SLCO2A1: variants seen among roughly 807,000 people sequenced by gnomAD.
SLCO2A1 encodes solute carrier organic anion transporter family member 2A1, also known as matrin F/G 1.
SLCO2A1 carries 60 observed loss-of-function variants against 71.7 expected under a neutral mutation model. That is an observed-to-expected ratio of 0.84 (90% CI 0.68 to 1.04). SLCO2A1 has a LOEUF of 1.04. Among genes scored for constraint, SLCO2A1 ranks in the 50% least tolerant of loss-of-function variants. The pLI is 0.00. For missense variants in SLCO2A1, 745 were observed against 813.4 expected (o/e 0.92, Z 1.02); for synonymous variants, 308 against 326.7 (o/e 0.94, Z 0.62).
chr3:134,019,473 TA>T (rs1452716143), intron 1 of SLCO2A1, among the ~76,000 whole-genome samples: 1 of 152,230 alleles, frequency 6.6e-6, no homozygotes, highest in African/African-American at 2.4e-5. Context: ...CAATTGTTCC[TA>T]AATGTTTGAA....
intron 1 of SLCO2A1, among the ~76,000 whole-genome samples, chr3:133,993,204 G>A (rs1403599339): frequency 4.6e-5 from 7 of 152,248 alleles, no homozygotes; most frequent in Non-Finnish European, 4.4e-5. Flanking sequence ...TTGAGTGAGT[G>A]GAATTCATCC....
chr3:133,962,590 G>T (rs1267569142), intron 3 of SLCO2A1, among the ~76,000 whole-genome samples: 1 of 152,126 alleles, frequency 6.6e-6, no homozygotes, highest in Non-Finnish European at 1.5e-5. Context: ...ACAGAATGGG[G>T]GACTTGAGTC....
chr3:133,943,807 G>A (rs1933493272), intron 10 of SLCO2A1, among the ~76,000 whole-genome samples: 1 of 152,206 alleles, frequency 6.6e-6, no homozygotes, highest in Non-Finnish European at 1.5e-5. Flanking sequence ...CTCTGCCTGG[G>A]AGCCACGCTC....
chr3:133,969,547 C>T (rs12695599), intron 3 of SLCO2A1, among the ~76,000 whole-genome samples: 75,404 of 151,666 alleles, frequency 0.5, 19,449 homozygotes, highest in East Asian at 0.71. Flanking sequence ...CCATAATGCC[C>T]GGCTAACTTT....
intron 6 of SLCO2A1, 144 bp downstream of exon 6, chr3:133,951,064 G>A (rs1933731899): frequency 9.2e-7 from 1 of 1,087,226 alleles, no homozygotes; most frequent in African/African-American, 1.6e-5. Context: ...TAAAGCCTCT[G>A]GGAAGTCCTG....
intron 3 of SLCO2A1, among the ~76,000 whole-genome samples, chr3:133,959,623 G>A (rs933695226): frequency 6.6e-5 from 10 of 151,996 alleles, no homozygotes; most frequent in African/African-American, 1.4e-4. Context: ...CCAGGAGTTC[G>A]AGACCAGCCT....
intron 5 of SLCO2A1, 145 bp from the exon 6 acceptor site, chr3:133,951,489 A>G (rs1576430910): frequency 2.1e-6 from 2 of 955,232 alleles, no homozygotes; most frequent in East Asian, 2.6e-5. Context: ...CTTGGTCAAA[A>G]CAACATTCCC....
chr3:133,941,283 A>ATTG (rs1300446841), intron 11 of SLCO2A1, among the ~76,000 whole-genome samples: 1 of 152,174 alleles, frequency 6.6e-6, no homozygotes, highest in Non-Finnish European at 1.5e-5. Flanking sequence ...TATTATTATT[A>ATTG]TTATTTGATT....
chr3:133,980,512 G>T (rs1162167637), intron 1 of SLCO2A1, among the ~76,000 whole-genome samples: 2 of 152,222 alleles, frequency 1.3e-5, no homozygotes, highest in African/African-American at 4.8e-5. Context: ...CACCGAACAG[G>T]CTCTGAGCCA....
intron 1 of SLCO2A1, among the ~76,000 whole-genome samples, chr3:134,007,249 T>C (rs1234330014): frequency 6.6e-6 from 1 of 152,246 alleles, no homozygotes; most frequent in East Asian, 1.9e-4. Flanking sequence ...TTGCAGACAT[T>C]TTCTCCCATT....
At chr3:133,967,456 C>T (rs975229003) in intron 3 of SLCO2A1, among the ~76,000 whole-genome samples, 2 of 152,190 alleles carry the variant, frequency 1.3e-5, no homozygotes, top group Non-Finnish European at 2.9e-5. Context: ...GCCTTCTCTA[C>T]CGCAGTCTAG....
intron 1 of SLCO2A1, among the ~76,000 whole-genome samples, chr3:134,008,292 A>G (rs1202903277): frequency 2.0e-5 from 3 of 152,146 alleles, no homozygotes; most frequent in Admixed American, 6.5e-5. Context: ...TCCACTGTCT[A>G]TCTCACTCAT....
chr3:133,964,261 G>A (rs145043546), intron 3 of SLCO2A1, among the ~76,000 whole-genome samples: 1 of 152,106 alleles, frequency 6.6e-6, no homozygotes. Flanking sequence ...ATAGTCAGAG[G>A]CCTCTCGGAA....
rs989501442 is a variant in SLCO2A1 at position 133,979,707 on chromosome 3, C to A, written c.97-89G>T. ...TCTGTTAGGGGCCCCGGCAGGCTGA[C>A]CTCTGTTTCCTCGCCTGTTATCTAG... On this transcript the variant is annotated intron_variant, in intron 1 of 13. Transcript: ENST00000310926. 9 of 1,404,890 alleles carry A rather than the reference C, an allele frequency of 6.4e-6. No individual in the cohort carries two copies. The African/African-American group carries it at 1.2e-4, about 18-fold the overall frequency. The allele number at this position is 1,404,890 out of a possible 1,614,324, so 87.0% of individuals were successfully genotyped here. A position where few individuals can be genotyped will look rare whatever the true frequency, so the allele number is the denominator to read the frequency against.
chr3:133,951,409 A>T, intron 5 of SLCO2A1, 65 bp from the exon 6 acceptor site: 1 of 1,582,092 alleles, frequency 6.3e-7, no homozygotes, highest in South Asian at 1.1e-5. Context: ...TGGAAACAGA[A>T]CCTCTGATCA....
At chr3:133,957,456 T>C (rs1357230212) in intron 3 of SLCO2A1, among the ~76,000 whole-genome samples, 1 of 152,154 alleles carries the variant, frequency 6.6e-6, no homozygotes, top group African/African-American at 2.4e-5. Flanking sequence ...CATACCTAAG[T>C]AGCTGGTTTG....
chr3:134,010,529 G>A (rs770008834), intron 1 of SLCO2A1, among the ~76,000 whole-genome samples: 24 of 152,112 alleles, frequency 1.6e-4, no homozygotes, highest in Non-Finnish European at 2.5e-4. Flanking sequence ...CAAGGTGGGC[G>A]GATCACAAGG....
chr3:133,950,240 C>A (rs982209636), intron 6 of SLCO2A1, among the ~76,000 whole-genome samples: 6 of 152,282 alleles, frequency 3.9e-5, no homozygotes, highest in African/African-American at 1.4e-4. Context: ...GTCTGAAATT[C>A]TTCCCCAAGA....
chr3:134,027,366 T>A (rs1267101668), intron 1 of SLCO2A1, among the ~76,000 whole-genome samples: 2 of 152,196 alleles, frequency 1.3e-5, no homozygotes, highest in Non-Finnish European at 2.9e-5. Context: ...TTACAGACAT[T>A]GTACAGAAAA....
Sources: allele counts gnomAD v4.1 joint callset (sites outside exome capture counted in the v4.1 genomes callset), GRCh38; gene constraint gnomAD v4.1.1; transcripts MANE v1.5; gene names NCBI Gene and HGNC (gene_info 2026-07-23, HGNC 2026-07-21).